ZNRF1: variants seen among roughly 807,000 people sequenced by gnomAD.
ZNRF1 encodes the protein zinc and ring finger 1.
Under a neutral mutation model 18.4 loss-of-function variants are expected in ZNRF1, and 3 were observed. That is an observed-to-expected ratio of 0.16 (90% CI 0.07 to 0.42). The LOEUF (loss-of-function observed/expected upper bound fraction) is 0.42. Ranked by LOEUF, ZNRF1 falls within the 10% of genes least tolerant of loss-of-function variation. The pLI, the probability that ZNRF1 is intolerant of heterozygous loss-of-function variation, is 0.99. For missense variants in ZNRF1, 310 were observed against 329.8 expected (o/e 0.94, Z 0.47); for synonymous variants, 157 against 144.2 (o/e 1.09, Z -0.64).
At chr16:75,072,791 G>T (rs1483161793) in intron 1 of ZNRF1, among the ~76,000 whole-genome samples, 2 of 152,110 alleles carry the variant, frequency 1.3e-5, no homozygotes, top group African/African-American at 4.8e-5. Flanking sequence ...CTGTGACATG[G>T]CTCACCCAAT....
intron 1 of ZNRF1, among the ~76,000 whole-genome samples, chr16:75,010,907 G>A (rs1376647141): frequency 2.0e-5 from 3 of 151,706 alleles, no homozygotes; most frequent in Non-Finnish European, 2.9e-5. Context: ...ATGGGGTTTC[G>A]CCAATTGGCC....
At chr16:75,023,480 T>TG (rs2035180647) in intron 1 of ZNRF1, among the ~76,000 whole-genome samples, 1 of 151,914 alleles carries the variant, frequency 6.6e-6, no homozygotes, top group Non-Finnish European at 1.5e-5. Flanking sequence ...CGTCAGGAGT[T>TG]GGAGACCAGC....
chr16:75,085,323 G>A lies in ZNRF1; in HGVS notation c.425-8249G>A, dbSNP rs532505954. On this transcript the variant is annotated intron_variant, in intron 1 of 4. Transcript: ENST00000335325. ...CACTTTTGTGTCCTTCACTTGGCGT[G>A]TTTTAATTCATCCATGTTGTTGCAT... 4.6e-5 allele frequency among the ~76,000 whole-genome samples: 7 copies of A among 152,256 alleles called. No individual in the cohort carries two copies. In the South Asian group the frequency reaches 1.2e-3, roughly 27 times the overall value.
chr16:75,069,313 G>T (rs531920852), intron 1 of ZNRF1, among the ~76,000 whole-genome samples: 1 of 152,090 alleles, frequency 6.6e-6, no homozygotes, highest in Non-Finnish European at 1.5e-5. Context: ...TATATTTCCT[G>T]TATCCACCAT....
In ZNRF1 at chr16:75,054,654, A is replaced by G. The variant is rs547357108; in HGVS notation, c.425-38918A>G. ...GCAGCAATTTAATAATTTAGCAATC[A>G]GGTAATACTGGCACTTTGTTCTCCC... On this transcript the variant is annotated intron_variant, in intron 1 of 4. Coordinates refer to ENST00000335325, the MANE Select transcript of ZNRF1 (RefSeq NM_032268.5). Among the ~76,000 whole-genome samples, 14 of 152,376 alleles carry G rather than the reference A, an allele frequency of 9.2e-5. No homozygotes were observed. The South Asian group carries it at 2.7e-3, about 29-fold the overall frequency.
At chr16:75,034,613 C>T (rs989885190) in intron 1 of ZNRF1, among the ~76,000 whole-genome samples, 8 of 152,074 alleles carry the variant, frequency 5.3e-5, no homozygotes, top group Non-Finnish European at 7.3e-5. Flanking sequence ...CCCTGCTTTC[C>T]GTTCTTTCGA....
intron 1 of ZNRF1, among the ~76,000 whole-genome samples, chr16:75,050,369 T>C (rs1374120533): frequency 6.6e-6 from 1 of 151,748 alleles, no homozygotes; most frequent in African/African-American, 2.4e-5. Context: ...CTACCCAAAA[T>C]ACAAAAATTA....
intron 2 of ZNRF1, among the ~76,000 whole-genome samples, chr16:75,100,799 CAA>C (rs1004528824): frequency 4.3e-4 from 65 of 152,186 alleles, no homozygotes; most frequent in African/African-American, 1.4e-3. Flanking sequence ...GTGTCCAAGA[CAA>C]AGAGAGTGGG....
intron 1 of ZNRF1, among the ~76,000 whole-genome samples, chr16:75,019,285 T>C: frequency 6.6e-6 from 1 of 152,034 alleles, no homozygotes. Context: ...AGCGATCTTC[T>C]CACCTTGGCC....
At chr16:75,003,935 G>A (rs1456493958) in intron 1 of ZNRF1, among the ~76,000 whole-genome samples, 1 of 151,484 alleles carries the variant, frequency 6.6e-6, no homozygotes, top group Non-Finnish European at 1.5e-5. Context: ...CTCTCTTATA[G>A]TTGTCTGCCT....
chr16:75,058,878 G>A (rs140433927), intron 1 of ZNRF1, among the ~76,000 whole-genome samples: 5 of 152,266 alleles, frequency 3.3e-5, no homozygotes, highest in African/African-American at 7.2e-5. Flanking sequence ...AGTTGAGAGT[G>A]TTTGACCACC....
intron 1 of ZNRF1, among the ~76,000 whole-genome samples, chr16:75,042,840 G>T (rs9928718): frequency 0.73 from 111,038 of 152,084 alleles, 45,109 homozygotes; most frequent in Non-Finnish European, 0.91. Flanking sequence ...GCCTGAAATG[G>T]GCTCACTGCT....
At chr16:75,077,625 A>G (rs1434910011) in intron 1 of ZNRF1, among the ~76,000 whole-genome samples, 1 of 152,228 alleles carries the variant, frequency 6.6e-6, no homozygotes, top group African/African-American at 2.4e-5. Context: ...TGTAGCAAAT[A>G]TCCACAAATT....
intron 1 of ZNRF1, among the ~76,000 whole-genome samples, chr16:75,059,229 CTTTTTTTTTTTTTTTCT>C (rs1471990358): frequency 2.8e-3 from 263 of 92,912 alleles, no homozygotes; most frequent in Non-Finnish European, 4.4e-3. Flanking sequence ...TTCTTTCTTT[CTTTTTTTTTTTTTTTCT>C]TTTTTTTTTT....
chr16:75,084,886 A>G (rs1027053844), intron 1 of ZNRF1, among the ~76,000 whole-genome samples: 2 of 152,196 alleles, frequency 1.3e-5, no homozygotes, highest in African/African-American at 4.8e-5. Flanking sequence ...TTAAAATTTC[A>G]AACGTTTGGA....
chr16:75,103,252 C>T (rs1230091512), intron 2 of ZNRF1, among the ~76,000 whole-genome samples: 5 of 152,198 alleles, frequency 3.3e-5, no homozygotes, highest in African/African-American at 1.2e-4. Context: ...CCTTCCATTC[C>T]TTCTTTTTGG....
chr16:75,029,307 C>T (rs9925056), intron 1 of ZNRF1, among the ~76,000 whole-genome samples: 124,212 of 151,946 alleles, frequency 0.82, 52,783 homozygotes, highest in Non-Finnish European at 0.93. Flanking sequence ...CCACCATGCC[C>T]GGCTAATTTT....
chr16:75,077,432 C>T (rs760281403), intron 1 of ZNRF1, among the ~76,000 whole-genome samples: 1 of 151,982 alleles, frequency 6.6e-6, no homozygotes, highest in African/African-American at 2.4e-5. Flanking sequence ...TTCGGGAGGC[C>T]GAGGCAGGAG....
At chr16:75,031,745 G>A (rs2035307398) in intron 1 of ZNRF1, among the ~76,000 whole-genome samples, 1 of 151,982 alleles carries the variant, frequency 6.6e-6, no homozygotes, top group Non-Finnish European at 1.5e-5. Context: ...CAAGCATTCT[G>A]CCCATCTCGG....
Sources: allele counts gnomAD v4.1 joint callset (sites outside exome capture counted in the v4.1 genomes callset), GRCh38; gene constraint gnomAD v4.1.1; transcripts MANE v1.5; gene names NCBI Gene and HGNC (gene_info 2026-07-23, HGNC 2026-07-21).